The following TSC22D3 variants were observed in gnomAD, a reference collection of about 807,000 sequenced individuals.
The protein encoded by TSC22D3 is TSC22 domain family protein 3.
Under a neutral mutation model 11.1 loss-of-function variants are expected in TSC22D3, and 4 were observed. The observed-to-expected ratio is 0.36, with a 90% CI of 0.18 to 0.83. The LOEUF (loss-of-function observed/expected upper bound fraction) is 0.83. Among genes scored for constraint, TSC22D3 ranks in the 40% least tolerant of loss-of-function variants. TSC22D3 has a pLI of 0.48. For synonymous variants in TSC22D3, 77 were observed against 70.3 expected (o/e 1.10, Z -0.48); for missense variants, 118 against 159.4 (o/e 0.74, Z 1.40).
chrX:107,754,770 G>A lies in TSC22D3; in HGVS notation c.320+20330C>T, dbSNP rs766667583. On this transcript the variant is annotated intron_variant, in intron 1 of 2. Transcript: ENST00000372383. ...TTCCTGTAAAACAGCTAGCTTGGGG[G>A]TTAGGGCAGGTGATTGCGTCCTCTG... Among the ~76,000 whole-genome samples the A allele has an allele frequency of 2.7e-5, 3 of 112,437 alleles. No homozygotes were observed. In the South Asian group the frequency reaches 1.1e-3, roughly 41 times the overall value.
chrX:107,731,590 G>T (rs1218498182), intron 1 of TSC22D3, among the ~76,000 whole-genome samples: 1 of 111,991 alleles, frequency 8.9e-6, no homozygotes, highest in Non-Finnish European at 1.9e-5. Context: ...TGAGTGAAAT[G>T]AATGAATGGA....
chrX:107,731,917 G>T (rs1927903663), intron 1 of TSC22D3, among the ~76,000 whole-genome samples: 1 of 110,605 alleles, frequency 9.0e-6, no homozygotes, highest in Non-Finnish European at 1.9e-5. Flanking sequence ...AGGTCAGGAG[G>T]AGGAGCCATG....
rs1038487065 is a variant in TSC22D3 at position 107,775,446 on chromosome X, C to T, written c.-27G>A. 3 of 1,141,163 alleles carry T rather than the reference C, an allele frequency of 2.6e-6. No individual in the cohort carries two copies. The highest frequency in any genetic ancestry group is 2.7e-5 in the Admixed American group (1 of 37,455). 94.0% of individuals were successfully genotyped at this position (1,141,163 alleles called of 1,213,427 possible). On this transcript the variant is annotated 5_prime_UTR_variant, in exon 1 of 3. Coordinates refer to ENST00000372383, the MANE Select transcript of TSC22D3 (RefSeq NM_198057.3). ...TTCTCAGGCTCGGAGGTCGCCTGGCCTGCGAGGTCAGGGGCGGCTGGCAGG... is the reference window on the plus strand; with the variant it reads ...TTCTCAGGCTCGGAGGTCGCCTGGCTTGCGAGGTCAGGGGCGGCTGGCAGG...
intron 1 of TSC22D3, among the ~76,000 whole-genome samples, chrX:107,734,116 CACAA>C (rs1928015176): frequency 8.9e-6 from 1 of 112,032 alleles, no homozygotes; most frequent in Admixed American, 9.4e-5. Context: ...AATTTCCCAG[CACAA>C]ACAATCAGCT....
intron 1 of TSC22D3, among the ~76,000 whole-genome samples, chrX:107,734,113 C>T (rs1345195260): frequency 5.4e-5 from 6 of 111,985 alleles, no homozygotes; most frequent in Admixed American, 9.4e-5. Flanking sequence ...CTAAATTTCC[C>T]AGCACAAACA....
At chrX:107,726,911 G>A (rs1347218720) in intron 1 of TSC22D3, among the ~76,000 whole-genome samples, 1 of 111,919 alleles carries the variant, frequency 8.9e-6, no homozygotes, top group African/African-American at 3.3e-5. Context: ...CTGACATCCT[G>A]TTATTTGCTA....
In TSC22D3 at chrX:107,715,658, C is replaced by T. The variant is rs183924464; in HGVS notation, c.372+241G>A. On this transcript the variant is annotated intron_variant, in intron 2 of 2. Coordinates refer to ENST00000372383, the MANE Select transcript of TSC22D3 (RefSeq NM_198057.3). Reference sequence around the variant, plus strand: ...AGGCCCAGGAGAGAGTCAGAGCCTGCGGCAAAGACCTGAGATGGAGGAGGG... The same window carrying T: ...AGGCCCAGGAGAGAGTCAGAGCCTGTGGCAAAGACCTGAGATGGAGGAGGG... The T allele has an allele frequency of 2.2e-4, 98 of 441,406 alleles. No individual in the cohort carries two copies. The Admixed American group carries it at 3.1e-3, about 14-fold the overall frequency. The allele number at this position is 441,406 out of a possible 1,213,427, so 36.4% of individuals were successfully genotyped here. A position where few individuals can be genotyped will look rare whatever the true frequency, so the allele number is the denominator to read the frequency against.
At chrX:107,737,834 G>A in intron 1 of TSC22D3, among the ~76,000 whole-genome samples, 1 of 112,184 alleles carries the variant, frequency 8.9e-6, no homozygotes, top group East Asian at 2.8e-4. Context: ...ATCAATGGCA[G>A]ATTTGTTGCT....
At chrX:107,760,004 C>G (rs754049048) in intron 1 of TSC22D3, among the ~76,000 whole-genome samples, 14 of 112,659 alleles carry the variant, frequency 1.2e-4, no homozygotes, top group African/African-American at 4.5e-4. Flanking sequence ...GATCTTCTGC[C>G]GAGACCGGGC....
At chrX:107,737,035 C>T (rs922683980) in intron 1 of TSC22D3, among the ~76,000 whole-genome samples, 8 of 111,960 alleles carry the variant, frequency 7.1e-5, no homozygotes, top group South Asian at 3.8e-4. Flanking sequence ...GCACTTATAA[C>T]GTCAACAGAC....
intron 1 of TSC22D3, among the ~76,000 whole-genome samples, chrX:107,765,147 A>G (rs1017191211): frequency 2.7e-5 from 3 of 111,819 alleles, no homozygotes; most frequent in Non-Finnish European, 3.8e-5. Flanking sequence ...CCCTCTCCCA[A>G]TCTGAAAGCC....
Position 107,755,673 on chromosome X carries a change from G to A in TSC22D3, c.320+19427C>T, listed in dbSNP as rs6622262. ...ACACATTTCCCACCAAATCTTATCC[G>A]AATCTGTCAGGAAATCAGAGCAAGT... On this transcript the variant is annotated intron_variant, in intron 1 of 2. Transcript: ENST00000372383. Among the ~76,000 whole-genome samples the A allele has an allele frequency of 1.1e-3, 121 of 112,498 alleles. 1 individual carries two copies. The East Asian group carries it at 0.032, about 30-fold the overall frequency.
intron 1 of TSC22D3, among the ~76,000 whole-genome samples, chrX:107,749,556 A>T (rs1162499357): frequency 9.0e-6 from 1 of 110,738 alleles, no homozygotes; most frequent in Non-Finnish European, 1.9e-5. Flanking sequence ...CTCCCAAAGC[A>T]CTGGGATTAC....
intron 1 of TSC22D3, among the ~76,000 whole-genome samples, chrX:107,758,857 C>T (rs759150287): frequency 2.7e-5 from 3 of 111,152 alleles, no homozygotes; most frequent in African/African-American, 6.6e-5. Flanking sequence ...GTTACTAATC[C>T]GTTCCAAGCC....
intron 1 of TSC22D3, among the ~76,000 whole-genome samples, chrX:107,772,573 T>A (rs547594679): frequency 9.0e-6 from 1 of 111,365 alleles, no homozygotes; most frequent in South Asian, 3.8e-4. Flanking sequence ...CAAGAGGGGA[T>A]CAGTGGCTCA....
intron 1 of TSC22D3, among the ~76,000 whole-genome samples, chrX:107,758,515 T>C (rs1455743547): frequency 9.0e-6 from 1 of 111,696 alleles, no homozygotes; most frequent in Non-Finnish European, 1.9e-5. Context: ...AGTAGCTGTA[T>C]ATAGCAGCAG....
rs147372743 is a variant in TSC22D3, at chrX:107,764,612, G to A, written c.320+10488C>T. Among the ~76,000 whole-genome samples the A allele has an allele frequency of 4.0e-3, 444 of 111,811 alleles. 2 individuals are homozygous for A. The highest frequency in any genetic ancestry group is 0.014 in the African/African-American group (430 of 30,770). The stretch of plus-strand genomic sequence containing the variant: ...CAGGTTTGACCAAGGTGCAAACAAG[G>A]TTAAAATGCCACCCTGCAGGGCCAT... On this transcript the variant is annotated intron_variant, in intron 1 of 2. Transcript: ENST00000372383.
chrX:107,759,653 C>T lies in TSC22D3; in HGVS notation c.320+15447G>A, dbSNP rs191607491. On this transcript the variant is annotated intron_variant, in intron 1 of 2. Coordinates refer to ENST00000372383, the MANE Select transcript of TSC22D3 (RefSeq NM_198057.3). The stretch of plus-strand genomic sequence containing the variant: ...TCCTCCCCGAGTTGGGGTTCCTCCA[C>T]GAGCTGGGGCTCCTCCAGCCTTTCC... Among the ~76,000 whole-genome samples, 336 of 112,814 alleles carry T rather than the reference C, an allele frequency of 3.0e-3. 3 individuals are homozygous for T. The highest frequency in any genetic ancestry group is 3.7e-3 in the Non-Finnish European group (198 of 53,320).
chrX:107,760,993 G>T (rs1352697220), intron 1 of TSC22D3, among the ~76,000 whole-genome samples: 1 of 111,428 alleles, frequency 9.0e-6, no homozygotes, highest in Non-Finnish European at 1.9e-5. Context: ...GAGAGAGGGA[G>T]GCAAGGCCAG....
Sources: gnomAD v4.1 joint callset for allele counts (sites outside exome capture counted in the v4.1 genomes callset) on GRCh38, gnomAD v4.1.1 for gene constraint, MANE v1.5 for transcripts, NCBI Gene and HGNC (gene_info 2026-07-23, HGNC 2026-07-21) for gene names.